Variants in USP10 observed in about 807,000 individuals in gnomAD.
The protein encoded by USP10 is ubiquitin carboxyl-terminal hydrolase 10.
In USP10, 22 loss-of-function variants were observed where a neutral mutation model predicts 84.5. The ratio of observed to expected loss-of-function variants is 0.26; its 90% CI spans 0.19 to 0.37. USP10 has a LOEUF of 0.37. Among genes scored for constraint, USP10 ranks in the 10% least tolerant of loss-of-function variants. The pLI is 1.00. For missense variants in USP10, 1,019 were observed against 998.9 expected, an observed-to-expected ratio of 1.02 and a Z score of -0.27; for synonymous variants, 454 against 387.6, an observed-to-expected ratio of 1.17 and a Z score of -2.01.
At chr16:84,740,643 G>C (rs553066989) in intron 3 of USP10, among the ~76,000 whole-genome samples, 38 of 152,232 alleles carry the variant, frequency 2.5e-4, no homozygotes, top group Non-Finnish European at 5.0e-4. Flanking sequence ...AGTGCAACAG[G>C]TATGTTACTC....
At chr16:84,750,404 C>CAAAA (rs71151245) in intron 4 of USP10, among the ~76,000 whole-genome samples, 13 of 106,248 alleles carry the variant, frequency 1.2e-4, no homozygotes, top group East Asian at 7.4e-4. Flanking sequence ...GAGACTGTCT[C>CAAAA]AAAAAAAAAA....
At chr16:84,721,528 T>C (rs535183853) in intron 1 of USP10, among the ~76,000 whole-genome samples, 19 of 152,236 alleles carry the variant, frequency 1.2e-4, no homozygotes, top group African/African-American at 3.9e-4. Flanking sequence ...CAGTTCGAGG[T>C]TTTTTGTCTT....
intron 1 of USP10, among the ~76,000 whole-genome samples, chr16:84,710,039 G>T (rs1254824518): frequency 6.6e-6 from 1 of 152,200 alleles, no homozygotes; most frequent in Non-Finnish European, 1.5e-5. Flanking sequence ...GGAGACCGAA[G>T]TAGACGGATC....
rs758687803 is a variant in USP10 at position 84,779,020 on chromosome 16, G to A, written c.2335G>A (p.Val779Met). 40 of 1,614,036 alleles carry A rather than the reference G, an allele frequency of 2.5e-5. No homozygotes were observed. In the South Asian group the frequency reaches 4.4e-4, roughly 18 times the overall value. ...TVKVINQYQV[V>M]KPTAERTAYL... ...CAAGGTGATCAACCAGTACCAGGTGGTGAAACCAACTGCTGAACGCACAGC... is the reference window on the plus strand; with the variant it reads ...CAAGGTGATCAACCAGTACCAGGTGATGAAACCAACTGCTGAACGCACAGC... Residue 779 changes from valine (V) to methionine (M), a missense_variant, in exon 14 of 14, where the codon GTG becomes ATG. Transcript: ENST00000219473.
intron 12 of USP10, among the ~76,000 whole-genome samples, chr16:84,773,511 T>G (rs891947655): frequency 2.0e-5 from 3 of 152,154 alleles, no homozygotes; most frequent in African/African-American, 7.2e-5. Context: ...GCTCCCTGTC[T>G]ACCCTAGGGG....
At chr16:84,710,327 G>T (rs1045944079) in intron 1 of USP10, among the ~76,000 whole-genome samples, 1 of 151,554 alleles carries the variant, frequency 6.6e-6, no homozygotes, top group East Asian at 1.9e-4. Context: ...GTCTTACTTA[G>T]ATGCTTCGAA....
At position 84,707,764 on chromosome 16, in the gene USP10, A is replaced by G. The variant is rs1048992097; in HGVS notation, c.21+7653A>G. ...ACAACTTATAACATGTTGTCCAAAC[A>G]ATTTTTTTTTTTCTTAAGAAATATT... On this transcript the variant is annotated intron_variant, in intron 1 of 13. Coordinates refer to ENST00000219473, the MANE Select transcript of USP10 (RefSeq NM_005153.3). Among the ~76,000 whole-genome samples the G allele has an allele frequency of 3.3e-5, 5 of 151,754 alleles. No homozygotes were observed. In the East Asian group the frequency reaches 7.7e-4, roughly 23 times the overall value.
chr16:84,714,040 C>T, intron 1 of USP10, among the ~76,000 whole-genome samples: 1 of 152,272 alleles, frequency 6.6e-6, no homozygotes, highest in South Asian at 2.1e-4. Context: ...AAGGCTTTTC[C>T]TGGGCACCAG....
chr16:84,776,000 C>T (rs183665182), intron 13 of USP10, among the ~76,000 whole-genome samples: 17 of 152,302 alleles, frequency 1.1e-4, no homozygotes, highest in African/African-American at 3.8e-4. Context: ...CTTCCCTCCT[C>T]TGGTGTGGCC....
chr16:84,772,461 CTT>C (rs987441016), intron 11 of USP10, 78 bp from the exon 12 acceptor site: 1 of 1,589,912 alleles, frequency 6.3e-7, no homozygotes, highest in Non-Finnish European at 8.6e-7. Flanking sequence ...CAGAGGACGT[CTT>C]TGAGCGGAAG....
At chr16:84,702,438 G>A (rs1382623874) in intron 1 of USP10, among the ~76,000 whole-genome samples, 1 of 152,106 alleles carries the variant, frequency 6.6e-6, no homozygotes, top group African/African-American at 2.4e-5. Context: ...TTTAGTTACT[G>A]GTTCCTGCTC....
rs148741686 is a variant in USP10, at chr16:84,714,935, A to ATTT, written c.21+14834_21+14836dup. 9.3e-4 allele frequency among the ~76,000 whole-genome samples: 129 copies of ATTT among 138,652 alleles called. No homozygotes were observed. In the East Asian group the frequency reaches 0.019, roughly 20 times the overall value. The allele number at this position is 138,652 out of a possible 152,430, so 91.0% of individuals were successfully genotyped here. On this transcript the variant is annotated intron_variant, in intron 1 of 13. Coordinates refer to ENST00000219473, the MANE Select transcript of USP10 (RefSeq NM_005153.3). Reference sequence around the variant, plus strand: ...TCTGATTATTATTATTATTATTATTATTTTTTTTTTTTGAGATGGAGTCTT... The same window carrying ATTT: ...TCTGATTATTATTATTATTATTATTATTTTTTTTTTTTTTTGAGATGGAGTCTT...
At chr16:84,712,160 T>G (rs1210406600) in intron 1 of USP10, among the ~76,000 whole-genome samples, 1 of 152,172 alleles carries the variant, frequency 6.6e-6, no homozygotes, top group Non-Finnish European at 1.5e-5. Context: ...AATCGCAGTA[T>G]TTTGTGTGTA....
At position 84,751,119 on chromosome 16, in the gene USP10, G is replaced by T. The variant is rs537022473; in HGVS notation, c.1192+5446G>T. ...TTATAATGGAGCTAAACAATTTCTA[G>T]TGACCAGTGAGTTGTGTTACAGTTG... On this transcript the variant is annotated intron_variant, in intron 4 of 13. Transcript: ENST00000219473. 3.9e-5 allele frequency among the ~76,000 whole-genome samples: 6 copies of T among 152,204 alleles called. No individual in the cohort carries two copies. The South Asian group carries it at 1.2e-3, about 32-fold the overall frequency.
In USP10 at chr16:84,779,093, C is replaced by T. The variant is rs376021515; in HGVS notation, c.*11C>T. The T allele has an allele frequency of 7.0e-5, 112 of 1,608,104 alleles. No individual in the cohort carries two copies. Among genetic ancestry groups the T allele is most frequent in the Non-Finnish European group, 8.5e-5 (100 of 1,175,430 alleles). On this transcript the variant is annotated 3_prime_UTR_variant, in exon 14 of 14. Transcript: ENST00000219473. The stretch of plus-strand genomic sequence containing the variant: ...GTGGACCTGCTGTAAACCCTGTGTG[C>T]GCTGTGTGTGCGCCCAGTGCCCGCT...
chr16:84,731,888 A>G (rs1323164022), intron 1 of USP10, among the ~76,000 whole-genome samples: 1 of 151,690 alleles, frequency 6.6e-6, no homozygotes, highest in Non-Finnish European at 1.5e-5. Flanking sequence ...ATCTTTTCCC[A>G]GTGTTGGTGA....
intron 3 of USP10, among the ~76,000 whole-genome samples, chr16:84,742,376 C>T (rs978199223): frequency 3.3e-5 from 5 of 152,172 alleles, no homozygotes; most frequent in African/African-American, 1.2e-4. Flanking sequence ...CTTTCTCTCC[C>T]CTCCCTCCAT....
chr16:84,758,865 G>C (rs369192171), intron 5 of USP10, 58 bp downstream of exon 5: 57 of 1,294,234 alleles, frequency 4.4e-5, no homozygotes, highest in East Asian at 2.5e-4. Flanking sequence ...CCTCCTTTGG[G>C]TGCATGTGAC....
chr16:84,756,498 C>T (rs1912560630), intron 4 of USP10, among the ~76,000 whole-genome samples: 2 of 152,166 alleles, frequency 1.3e-5, no homozygotes, highest in Non-Finnish European at 2.9e-5. Context: ...GAGGCTGAGG[C>T]AGGAAAATCA....
Sources: allele counts gnomAD v4.1 joint callset (sites outside exome capture counted in the v4.1 genomes callset), GRCh38; gene constraint gnomAD v4.1.1; transcripts MANE v1.5; gene names NCBI Gene and HGNC (gene_info 2026-07-23, HGNC 2026-07-21).